ANGPT1: variants seen among roughly 807,000 people sequenced by gnomAD.
ANGPT1 encodes angiopoietin 1, also known as angiopoietin-1.
In ANGPT1, 17 loss-of-function variants were observed where a neutral mutation model predicts 62.2. The observed-to-expected ratio is 0.27, with a 90% confidence interval of 0.19 to 0.41. The LOEUF is 0.41. Among genes scored for constraint, ANGPT1 ranks in the 10% least tolerant of loss-of-function variants. The pLI, the probability that ANGPT1 is intolerant of heterozygous loss-of-function variation, is 1.00. For missense variants in ANGPT1, 478 were observed against 594.9 expected, an observed-to-expected ratio of 0.80 and a Z score of 2.04; for synonymous variants, 199 against 198.9, an observed-to-expected ratio of 1.00 and a Z score of 0.00.
chr8:107,279,376 AAATT>A (rs1240319687), intron 7 of ANGPT1, among the ~76,000 whole-genome samples: 1 of 152,088 alleles, frequency 6.6e-6, no homozygotes, highest in Non-Finnish European at 1.5e-5. Flanking sequence ...AAAGGCATTC[AAATT>A]ATTAAAGAGA....
At chr8:107,463,739 G>A (rs1358742217) in intron 1 of ANGPT1, among the ~76,000 whole-genome samples, 1 of 151,922 alleles carries the variant, frequency 6.6e-6, no homozygotes, top group African/African-American at 2.4e-5. Flanking sequence ...CAAATTTAGG[G>A]TACTCATATA....
chr8:107,408,782 T>G (rs1011495102), intron 1 of ANGPT1, among the ~76,000 whole-genome samples: 1 of 152,218 alleles, frequency 6.6e-6, no homozygotes, highest in African/African-American at 2.4e-5. Context: ...ACAATGAGGC[T>G]TTAGAGGCTT....
At chr8:107,392,844 A>G (rs1338519182) in intron 1 of ANGPT1, among the ~76,000 whole-genome samples, 1 of 152,202 alleles carries the variant, frequency 6.6e-6, no homozygotes, top group Non-Finnish European at 1.5e-5. Context: ...CACTTGGTAA[A>G]TAATCTTTTT....
chr8:107,416,620 T>A (rs1810754820), intron 1 of ANGPT1, among the ~76,000 whole-genome samples: 1 of 151,914 alleles, frequency 6.6e-6, no homozygotes, highest in South Asian at 2.1e-4. Context: ...CATGTAGAAG[T>A]GTGATTGGAC....
At chr8:107,474,113 A>G (rs527523462) in intron 1 of ANGPT1, among the ~76,000 whole-genome samples, 1 of 152,316 alleles carries the variant, frequency 6.6e-6, no homozygotes, top group African/African-American at 2.4e-5. Flanking sequence ...CTGATACCAA[A>G]GCCTGACAGA....
intron 7 of ANGPT1, among the ~76,000 whole-genome samples, chr8:107,268,300 G>A (rs1371566792): frequency 6.6e-6 from 1 of 152,030 alleles, no homozygotes; most frequent in Non-Finnish European, 1.5e-5. Flanking sequence ...CTACATTTCA[G>A]AAGTATAGCT....
chr8:107,468,137 T>C (rs886120135), intron 1 of ANGPT1, among the ~76,000 whole-genome samples: 7 of 152,076 alleles, frequency 4.6e-5, no homozygotes, highest in South Asian at 2.1e-4. Context: ...CCTCACCTAA[T>C]AATCAGTTCT....
chr8:107,470,812 G>T (rs1301806945), intron 1 of ANGPT1, among the ~76,000 whole-genome samples: 1 of 152,080 alleles, frequency 6.6e-6, no homozygotes, highest in Non-Finnish European at 1.5e-5. Context: ...ATCATCACTG[G>T]TCATTAGAGA....
At chr8:107,329,649 T>TTGTG (rs1296970994) in intron 3 of ANGPT1, among the ~76,000 whole-genome samples, 1 of 151,420 alleles carries the variant, frequency 6.6e-6, no homozygotes, top group African/African-American at 2.4e-5. Context: ...TTTTTATTAG[T>TTGTG]TGTGTGTGTG....
chr8:107,399,177 C>T (rs1816994512), intron 1 of ANGPT1, among the ~76,000 whole-genome samples: 1 of 151,942 alleles, frequency 6.6e-6, no homozygotes, highest in Non-Finnish European at 1.5e-5. Flanking sequence ...GGCCTGAAGT[C>T]CTCACTTCAT....
chr8:107,399,830 A>C (rs1297328680), intron 1 of ANGPT1, among the ~76,000 whole-genome samples: 1 of 152,164 alleles, frequency 6.6e-6, no homozygotes, highest in Non-Finnish European at 1.5e-5. Context: ...ATCTCACTGA[A>C]CTGAAGGAGC....
At chr8:107,342,782 TACACACACAC>T (rs751210643) in intron 2 of ANGPT1, among the ~76,000 whole-genome samples, 30,809 of 138,390 alleles carry the variant, frequency 0.22, 3,607 homozygotes, top group Middle Eastern at 0.31. Context: ...AACTGCCTAA[TACACACACAC>T]ACACACACAC....
chr8:107,464,335 A>C (rs2130483288), intron 1 of ANGPT1, among the ~76,000 whole-genome samples: 1 of 152,264 alleles, frequency 6.6e-6, no homozygotes, highest in East Asian at 1.9e-4. Flanking sequence ...CCAACTACAA[A>C]ATAAGAGCTT....
intron 1 of ANGPT1, among the ~76,000 whole-genome samples, chr8:107,399,973 C>G (rs1014474066): frequency 6.6e-6 from 1 of 152,200 alleles, no homozygotes; most frequent in Admixed American, 6.5e-5. Context: ...TTCTCTCCCT[C>G]TAGACCCCAT....
At chr8:107,387,691 A>AG (rs942621452) in intron 1 of ANGPT1, among the ~76,000 whole-genome samples, 1 of 152,028 alleles carries the variant, frequency 6.6e-6, no homozygotes, top group African/African-American at 2.4e-5. Flanking sequence ...GCTTTGACAG[A>AG]GAAAAAAATG....
intron 1 of ANGPT1, among the ~76,000 whole-genome samples, chr8:107,449,826 C>G (rs1811721659): frequency 6.6e-6 from 1 of 152,068 alleles, no homozygotes; most frequent in Non-Finnish European, 1.5e-5. Context: ...ATGTGTGTGT[C>G]TTTGCATATT....
chr8:107,416,348 G>A (rs1402954440), intron 1 of ANGPT1, among the ~76,000 whole-genome samples: 2 of 152,098 alleles, frequency 1.3e-5, no homozygotes, highest in Admixed American at 1.3e-4. Flanking sequence ...ATATTTTCTG[G>A]TTTATCATAA....
intron 3 of ANGPT1, chr8:107,322,790 G>GA: frequency 4.0e-6 from 1 of 252,102 alleles, no homozygotes; most frequent in Non-Finnish European, 7.9e-6. Context: ...TATGTTAGGT[G>GA]AAAAAAGAAA....
At chr8:107,428,632 TTGTGTGTGTGTG>T (rs140085272) in intron 1 of ANGPT1, among the ~76,000 whole-genome samples, 1 of 149,220 alleles carries the variant, frequency 6.7e-6, no homozygotes, top group Non-Finnish European at 1.5e-5. Context: ...TTTTTTCATT[TTGTGTGTGTGTG>T]TGTGTGTGTG....
Sources: gnomAD v4.1 joint callset for allele counts (sites outside exome capture counted in the v4.1 genomes callset) on GRCh38, gnomAD v4.1.1 for gene constraint, MANE v1.5 for transcripts, NCBI Gene and HGNC (gene_info 2026-07-23, HGNC 2026-07-21) for gene names.